The following NSD3 variants were observed in gnomAD, a reference collection of about 807,000 sequenced individuals.
NSD3 encodes nuclear receptor binding SET domain protein 3.
NSD3 carries 24 observed loss-of-function variants against 160.8 expected under a neutral mutation model. That is an observed-to-expected ratio of 0.15 (90% CI 0.11 to 0.21). The LOEUF is 0.21. NSD3 is among the 10% of genes least tolerant of loss of function. The pLI, the probability that NSD3 is intolerant of heterozygous loss-of-function variation, is 1.00. For missense variants in NSD3, 1,157 were observed against 1,735.9 expected (o/e 0.67, Z 5.93); for synonymous variants, 520 against 600.0 (o/e 0.87, Z 1.95).
chr8:38,376,592 G>C (rs1303413047), intron 1 of NSD3, among the ~76,000 whole-genome samples: 1 of 151,512 alleles, frequency 6.6e-6, no homozygotes, highest in Non-Finnish European at 1.5e-5. Context: ...CACACCACCG[G>C]GCCCGGCTAA....
chr8:38,303,449 A>G lies in NSD3; in HGVS notation c.2611+1138T>C, dbSNP rs915787273. On this transcript the variant is annotated intron_variant, in intron 14 of 23. Transcript: ENST00000317025. ...TCCTGCTCCAAAGGCAGACAGTCAC[A>G]TGTGCTTATAAAACAGGCAAACAGA... is the stretch of plus-strand genomic sequence containing the variant. 3.1e-6 allele frequency: 3 copies of G among 969,358 alleles called. No individual in the cohort carries two copies. The African/African-American group carries it at 5.3e-5, about 17-fold the overall frequency. 60.0% of individuals were successfully genotyped at this position (969,358 alleles called of 1,614,324 possible).
chr8:38,350,806 C>A (rs1042757426), intron 1 of NSD3, among the ~76,000 whole-genome samples: 7 of 151,984 alleles, frequency 4.6e-5, no homozygotes, highest in Admixed American at 3.9e-4. Context: ...CCGAAGATGC[C>A]TACATTATGT....
Position 38,349,685 on chromosome 8 carries a change from ATATATATG to A in NSD3, c.-44-1478_-44-1471del, listed in dbSNP as rs1176286538. Among the ~76,000 whole-genome samples the A allele has an allele frequency of 1.0e-3, 123 of 122,536 alleles. 2 individuals are homozygous for A. The highest frequency in any genetic ancestry group is 4.0e-3 in the Middle Eastern group (1 of 248). The allele number at this position is 122,536 out of a possible 152,430, so 80.4% of individuals were successfully genotyped here. On this transcript the variant is annotated intron_variant, in intron 1 of 23. Transcript: ENST00000317025. Reference sequence around the variant, plus strand: ...TTTCTTTATATATATATATATATATATATATATGTATTTATTATACTTTAAGTTCTAGG... The same window carrying A: ...TTTCTTTATATATATATATATATATATATTTATTATACTTTAAGTTCTAGG...
Position 38,329,988 on chromosome 8 carries a change from G to T in NSD3, c.1066-95C>A. The T allele has an allele frequency of 1.4e-6, 2 of 1,411,816 alleles. No homozygotes were observed. Among genetic ancestry groups the T allele is most frequent in the Non-Finnish European group, 9.5e-7 (1 of 1,057,972 alleles). The allele number at this position is 1,411,816 out of a possible 1,614,324, so 87.5% of individuals were successfully genotyped here. A position where few individuals can be genotyped will look rare whatever the true frequency, so the allele number is the denominator to read the frequency against. ...CCATGTGATCCTGTTATCTTTTCAG[G>T]TCTACATAAATATCTTCAGGTTCTT... On this transcript the variant is annotated intron_variant, in intron 5 of 23. Coordinates refer to ENST00000317025, the MANE Select transcript of NSD3 (RefSeq NM_023034.2). This position sits in a 1 kb window ranked among gnomAD's most constrained non-coding sequence, Gnocchi z 4.8.
intron 12 of NSD3, among the ~76,000 whole-genome samples, chr8:38,310,837 T>C (rs1481282896): frequency 1.3e-5 from 2 of 152,124 alleles, no homozygotes; most frequent in African/African-American, 4.8e-5. Context: ...TTTGGGTATA[T>C]ACCCAGAGTG....
rs1382084084 is a variant in NSD3 at position 38,274,397 on chromosome 8, G to A, written c.*1244C>T. The A allele has an allele frequency of 6.6e-6, 1 of 152,192 alleles. No homozygotes were observed. The highest frequency in any genetic ancestry group is 1.5e-5 in the Non-Finnish European group (1 of 68,042). 9.4% of individuals were successfully genotyped at this position (152,192 alleles called of 1,614,324 possible). ...TTCTCCAAGTGCTTCCTAAGATGAA[G>A]TGTGTTTGTGTGGCTCTTATGCACC... On this transcript the variant is annotated 3_prime_UTR_variant, in exon 24 of 24. Transcript: ENST00000317025.
chr8:38,306,419 CA>C (rs913387226), intron 12 of NSD3, among the ~76,000 whole-genome samples: 3 of 150,762 alleles, frequency 2.0e-5, no homozygotes, highest in Admixed American at 6.6e-5. Context: ...AATCTTTCAA[CA>C]AAAAAAAATT....
intron 1 of NSD3, among the ~76,000 whole-genome samples, chr8:38,349,276 A>G (rs1351045438): frequency 6.6e-6 from 1 of 152,058 alleles, no homozygotes; most frequent in African/African-American, 2.4e-5. Flanking sequence ...TCAGTTTCTC[A>G]CAATTGTTTG....
Position 38,294,794 on chromosome 8 carries a change from A to ATT in NSD3, c.2915+1001_2915+1002insAA, listed in dbSNP as rs1374260688. On this transcript the variant is annotated intron_variant, in intron 16 of 23. Coordinates refer to ENST00000317025, the MANE Select transcript of NSD3 (RefSeq NM_023034.2). ...GGAGTTCGAGACCAGCCTGGGCAATATAATGAGTCCCCATCTCACTATATT... is the reference window on the plus strand; with the variant it reads ...GGAGTTCGAGACCAGCCTGGGCAATATTTAATGAGTCCCCATCTCACTATATT... Among the ~76,000 whole-genome samples, 12 of 151,568 alleles carry ATT rather than the reference A, an allele frequency of 7.9e-5. No homozygotes were observed. In the South Asian group the frequency reaches 1.7e-3, roughly 21 times the overall value.
intron 22 of NSD3, among the ~76,000 whole-genome samples, chr8:38,277,355 G>A (rs1808626860): frequency 6.6e-6 from 1 of 152,192 alleles, no homozygotes; most frequent in Non-Finnish European, 1.5e-5. Flanking sequence ...TTGGCTCACT[G>A]CAACCTCTGC....
chr8:38,288,416 A>G lies in NSD3; in HGVS notation c.3501+71T>C. On this transcript the variant is annotated intron_variant, in intron 19 of 23. Coordinates refer to ENST00000317025, the MANE Select transcript of NSD3 (RefSeq NM_023034.2). This position sits in a 1 kb window ranked among gnomAD's most constrained non-coding sequence, Gnocchi z 4.5. The stretch of plus-strand genomic sequence containing the variant: ...TCCTGCTGATTTTATCCCTAGAACT[A>G]TACCCTACTGAAGCATTCCTGAAAA... The G allele has an allele frequency of 6.4e-7, 1 of 1,551,924 alleles. No individual in the cohort carries two copies. Among genetic ancestry groups the G allele is most frequent in the Admixed American group, 1.9e-5 (1 of 52,540 alleles).
chr8:38,334,216 C>G (rs1209576790), intron 4 of NSD3, among the ~76,000 whole-genome samples: 1 of 152,122 alleles, frequency 6.6e-6, no homozygotes, highest in African/African-American at 2.4e-5. Context: ...GAATAAAGCA[C>G]TGATACCATG....
chr8:38,331,326 A>T (rs1488309385), intron 5 of NSD3, 105 bp downstream of exon 5: 4 of 1,320,388 alleles, frequency 3.0e-6, no homozygotes, highest in Non-Finnish European at 4.0e-6. Flanking sequence ...AGGGGTTTAA[A>T]AAAAGGATTC....
chr8:38,329,946 A>G lies in NSD3; in HGVS notation c.1066-53T>C. The G allele has an allele frequency of 6.7e-7, 1 of 1,502,434 alleles. No homozygotes were observed. The allele number at this position is 1,502,434 out of a possible 1,614,324, so 93.1% of individuals were successfully genotyped here. ...ATGCTTTACTCTAATAGGTACATTAAAATTGATATGTATTTCCCATGTGAT... is the reference window on the plus strand; with the variant it reads ...ATGCTTTACTCTAATAGGTACATTAGAATTGATATGTATTTCCCATGTGAT... On this transcript the variant is annotated intron_variant, in intron 5 of 23. Coordinates refer to ENST00000317025, the MANE Select transcript of NSD3 (RefSeq NM_023034.2). The surrounding 1 kb of genome is among the most constrained non-coding windows in gnomAD (Gnocchi z 4.8).
chr8:38,352,344 A>G (rs1057107052), intron 1 of NSD3, among the ~76,000 whole-genome samples: 7 of 148,856 alleles, frequency 4.7e-5, no homozygotes, highest in African/African-American at 1.2e-4. Context: ...ATTGAACTGT[A>G]TGTATTGCTT....
rs1188708974 is a variant in NSD3 at position 38,271,298 on chromosome 8, AAG to A, written c.*4341_*4342del. The A allele has an allele frequency of 3.3e-5, 5 of 152,126 alleles. No homozygotes were observed. Among genetic ancestry groups the A allele is most frequent in the Non-Finnish European group, 7.3e-5 (5 of 68,030 alleles). The allele number at this position is 152,126 out of a possible 1,614,324, so 9.4% of individuals were successfully genotyped here. ...CATAAATGTAAAAAGAAACTAAAAT[AAG>A]GAGAATCTGAAGAGTTTCAAGTACT... On this transcript the variant is annotated 3_prime_UTR_variant, in exon 24 of 24. Transcript: ENST00000317025.
At chr8:38,379,264 G>A (rs142400762) in intron 1 of NSD3, among the ~76,000 whole-genome samples, 59 of 151,932 alleles carry the variant, frequency 3.9e-4, no homozygotes, top group Admixed American at 9.2e-4. Flanking sequence ...GATCTTTAAA[G>A]GATGCTGCAT....
chr8:38,336,594 C>T (rs1359441547), intron 4 of NSD3, among the ~76,000 whole-genome samples: 1 of 151,942 alleles, frequency 6.6e-6, no homozygotes, highest in African/African-American at 2.4e-5. Flanking sequence ...TAGCAGTCAA[C>T]GATGAAATAA....
intron 1 of NSD3, among the ~76,000 whole-genome samples, chr8:38,349,094 A>G (rs1226628671): frequency 6.6e-6 from 1 of 152,218 alleles, no homozygotes; most frequent in Non-Finnish European, 1.5e-5. Flanking sequence ...ATTTTTACAT[A>G]TAAATTTTTA....
Sources: allele counts gnomAD v4.1 joint callset (sites outside exome capture counted in the v4.1 genomes callset), GRCh38; gene constraint gnomAD v4.1.1; non-coding constraint Gnocchi (gnomAD v3.1); transcripts MANE v1.5; gene names NCBI Gene and HGNC (gene_info 2026-07-23, HGNC 2026-07-21).